The following PRIM2 variants were observed in gnomAD, a reference collection of about 807,000 sequenced individuals.
PRIM2 encodes the protein DNA primase subunit 2, also known as DNA primase large subunit.
In PRIM2, 39 loss-of-function variants were observed where a neutral mutation model predicts 67.3. The ratio of observed to expected loss-of-function variants is 0.58; its 90% CI spans 0.45 to 0.76. The LOEUF is 0.76. Ranked by LOEUF, PRIM2 falls within the 30% of genes least tolerant of loss-of-function variation. PRIM2 has a pLI of 0.00. For synonymous variants in PRIM2, 143 were observed against 198.7 expected (o/e 0.72, Z 2.36); for missense variants, 398 against 598.7 (o/e 0.66, Z 3.50).
the PRIM2 span, among the ~76,000 whole-genome samples, chr6:57,309,152 T>A: frequency 4.0e-5 from 6 of 151,742 alleles, no homozygotes; most frequent in East Asian, 1.9e-4. Flanking sequence ...TTTTTTTTTT[T>A]ATTATACTTT....
At chr6:57,629,525 T>C (rs1777008152) in intron 12 of PRIM2, among the ~76,000 whole-genome samples, 1 of 152,170 alleles carries the variant, frequency 6.6e-6, no homozygotes, top group African/African-American at 2.4e-5. Context: ...CTTGAGTATT[T>C]TCATGCAGAA....
At chr6:57,644,255 C>T (rs1489929658) in intron 13 of PRIM2, among the ~76,000 whole-genome samples, 3 of 151,952 alleles carry the variant, frequency 2.0e-5, no homozygotes, top group Admixed American at 6.6e-5. Context: ...TTTCCCAGGA[C>T]ATTCCCTCTT....
intron 7 of PRIM2, among the ~76,000 whole-genome samples, chr6:57,469,794 A>G (rs1773293013): frequency 6.6e-6 from 1 of 152,190 alleles, no homozygotes; most frequent in Non-Finnish European, 1.5e-5. Flanking sequence ...GTTTTATCTC[A>G]TATTAATTTA....
At chr6:57,337,381 C>T (rs1180442477) in intron 5 of PRIM2, among the ~76,000 whole-genome samples, 1 of 151,966 alleles carries the variant, frequency 6.6e-6, no homozygotes, top group East Asian at 1.9e-4. Context: ...CTACAGAACT[C>T]TCCACCCCAA....
chr6:57,536,545 A>G (rs1775006906), intron 9 of PRIM2, among the ~76,000 whole-genome samples: 2 of 152,238 alleles, frequency 1.3e-5, no homozygotes, highest in Non-Finnish European at 2.9e-5. Flanking sequence ...CTCTTCAAGA[A>G]TGCTTATAAT....
the PRIM2 span, among the ~76,000 whole-genome samples, chr6:57,253,922 G>A: frequency 6.6e-6 from 1 of 152,302 alleles, no homozygotes; most frequent in African/African-American, 2.4e-5. Context: ...TGAAATCCCA[G>A]TCTCACAGGT....
intron 8 of PRIM2, among the ~76,000 whole-genome samples, chr6:57,521,770 A>G (rs1774629240): frequency 6.6e-6 from 1 of 152,168 alleles, no homozygotes; most frequent in Admixed American, 6.5e-5. Context: ...GCTTAAGAAT[A>G]CTGGGAAATG....
At chr6:57,428,548 A>G (rs1280200193) in intron 7 of PRIM2, among the ~76,000 whole-genome samples, 2 of 152,166 alleles carry the variant, frequency 1.3e-5, no homozygotes, top group African/African-American at 2.4e-5. Flanking sequence ...CAAACCATTG[A>G]CAGCATGCCT....
intron 7 of PRIM2, among the ~76,000 whole-genome samples, chr6:57,455,312 C>T (rs1402054563): frequency 2.0e-4 from 30 of 152,100 alleles, no homozygotes; most frequent in African/African-American, 7.0e-4. Context: ...CCACTTGGTG[C>T]AGAGCTGAGT....
the PRIM2 span, among the ~76,000 whole-genome samples, chr6:57,253,530 G>T: frequency 6.6e-6 from 1 of 151,888 alleles, no homozygotes; most frequent in East Asian, 1.9e-4. Context: ...CTGTAGTTGT[G>T]CAGAGGGCTG....
At chr6:57,515,429 A>G (rs1554348127) in intron 8 of PRIM2, among the ~76,000 whole-genome samples, 1 of 152,232 alleles carries the variant, frequency 6.6e-6, no homozygotes, top group Non-Finnish European at 1.5e-5. Context: ...CAGCCTAGGT[A>G]GTGTATAGCT....
intron 7 of PRIM2, among the ~76,000 whole-genome samples, chr6:57,502,115 T>C (rs1774145050): frequency 6.6e-6 from 1 of 152,202 alleles, no homozygotes; most frequent in African/African-American, 2.4e-5. Context: ...TGTTATAGTA[T>C]ATTTTAAGAA....
intron 12 of PRIM2, among the ~76,000 whole-genome samples, chr6:57,624,213 G>A (rs1776906644): frequency 6.6e-6 from 1 of 152,144 alleles, no homozygotes; most frequent in South Asian, 2.1e-4. Flanking sequence ...GGCTTTACAT[G>A]TGTCTTCTTG....
chr6:57,405,209 A>T (rs1490085722), intron 7 of PRIM2, among the ~76,000 whole-genome samples: 1 of 152,294 alleles, frequency 6.6e-6, no homozygotes, highest in Non-Finnish European at 1.5e-5. Flanking sequence ...GTCTACTCTC[A>T]TACAGCAAAA....
intron 5 of PRIM2, among the ~76,000 whole-genome samples, chr6:57,333,138 GT>G (rs1768113767): frequency 6.6e-6 from 1 of 151,964 alleles, no homozygotes; most frequent in South Asian, 2.1e-4. Context: ...ACAAACTTTT[GT>G]TCCCATATGC....
At chr6:57,227,396 C>G in the PRIM2 span, among the ~76,000 whole-genome samples, 1 of 152,156 alleles carries the variant, frequency 6.6e-6, no homozygotes, top group South Asian at 2.1e-4. Context: ...GTAATCCCAG[C>G]ACTTTGGGAG....
chr6:57,402,424 G>T (rs112340561), intron 7 of PRIM2, among the ~76,000 whole-genome samples: 13,325 of 152,180 alleles, frequency 0.088, 595 homozygotes, highest in South Asian at 0.11. Context: ...TCTTTGTAGT[G>T]GGGGGAGCTA....
chr6:57,485,240 T>C lies in PRIM2; in HGVS notation c.694-22147T>C, dbSNP rs1269303144. On this transcript the variant is annotated intron_variant, in intron 7 of 13. Transcript: ENST00000615550. ...TTAGTCTAGGGCAGCTTGACCCAAA[T>C]TGAACTTAACCCAAATTGAGCTAGG... Among the ~76,000 whole-genome samples the C allele has an allele frequency of 1.2e-3, 175 of 152,006 alleles. 3 individuals carry two copies. The East Asian group carries it at 0.015, about 13-fold the overall frequency.
At chr6:57,414,712 A>G (rs7766420) in intron 7 of PRIM2, among the ~76,000 whole-genome samples, 82 of 152,268 alleles carry the variant, frequency 5.4e-4, no homozygotes, top group Middle Eastern at 3.4e-3. Context: ...ATTGCCTATC[A>G]GCCTGCTGGA....
Sources: allele counts gnomAD v4.1 joint callset (sites outside exome capture counted in the v4.1 genomes callset), GRCh38; gene constraint gnomAD v4.1.1; transcripts MANE v1.5; gene names NCBI Gene and HGNC (gene_info 2026-07-23, HGNC 2026-07-21).